Variants in MKI67 observed in about 807,000 individuals in gnomAD.
The protein encoded by MKI67 is marker of proliferation Ki-67.
MKI67 carries 152 observed loss-of-function variants against 233.5 expected under a neutral mutation model. That is an observed-to-expected ratio of 0.65 (90% CI 0.57 to 0.74). MKI67 has a LOEUF of 0.74. Among genes scored for constraint, MKI67 ranks in the 30% least tolerant of loss-of-function variants. MKI67 has a pLI of 0.00. For missense variants in MKI67, 3,940 were observed against 3,885.2 expected (o/e 1.01, Z -0.37); for synonymous variants, 1,465 against 1,418.5 (o/e 1.03, Z -0.74).
rs1852575619 is a variant in MKI67 at position 128,108,331 on chromosome 10, G to C, written c.3509C>G (p.Ala1170Gly). The change falls in exon 13 of 15, where the codon GCA (alanine) becomes GGA (glycine). Residue 1170 changes from alanine to glycine, a missense_variant. Transcript: ENST00000368654. ...TTTGGGCGTAAGCATGGCTTTCCCT[G>C]CTGATGGTGTTAGTTTCCTGAGTGC... ...FLALRKLTPS[A>G]GKAMLTPKPA... The C allele has an allele frequency of 6.2e-7, 1 of 1,614,050 alleles. No homozygotes were observed. Among genetic ancestry groups the C allele is most frequent in the Non-Finnish European group, 8.5e-7 (1 of 1,180,022 alleles).
Position 128,103,884 on chromosome 10 carries a change from C to G in MKI67, c.7956G>C (p.Lys2652Asn), listed in dbSNP as rs767301091. 5.0e-6 allele frequency: 8 copies of G among 1,613,756 alleles called. No individual in the cohort carries two copies. The highest frequency in any genetic ancestry group is 6.8e-6 in the Non-Finnish European group (8 of 1,179,986). Residue 2652 changes from lysine to asparagine, a missense_variant, in exon 13 of 15, where the codon AAG (lysine) becomes AAC (asparagine). Physicochemically the swap from Lys to Asn is moderately conservative, Grantham distance 94. Transcript: ENST00000368654. ...GIKVLKQRAK[K>N]KPNPVEEEPS... ...GTTCCTCTTCTACTGGGTTTGGTTTCTTCTTTGCACGTTGCTTCAATACTT... is the reference window on the plus strand; with the variant it reads ...GTTCCTCTTCTACTGGGTTTGGTTTGTTCTTTGCACGTTGCTTCAATACTT...
At chr10:128,121,018 T>C (rs1852923775) in intron 4 of MKI67, among the ~76,000 whole-genome samples, 1 of 152,228 alleles carries the variant, frequency 6.6e-6, no homozygotes, top group South Asian at 2.1e-4. Context: ...GGAAAAGTTA[T>C]ACTACACAAG....
intron 8 of MKI67, among the ~76,000 whole-genome samples, 200 bp downstream of exon 8, chr10:128,113,227 A>G (rs1852721266): frequency 6.6e-6 from 1 of 152,244 alleles, no homozygotes; most frequent in South Asian, 2.1e-4. Flanking sequence ...CGGTCGCATC[A>G]GCACCACGGT....
chr10:128,116,263 T>G (rs919804025), intron 6 of MKI67, among the ~76,000 whole-genome samples: 3 of 152,244 alleles, frequency 2.0e-5, no homozygotes, highest in African/African-American at 2.4e-5. Flanking sequence ...AGTTGACAGC[T>G]GAACAGGCAA....
In MKI67 at chr10:128,105,608, C is replaced by A; in HGVS notation, c.6232G>T (p.Gly2078Cys). 2 of 1,613,880 alleles carry A rather than the reference C, an allele frequency of 1.2e-6. No individual in the cohort carries two copies. Among genetic ancestry groups the A allele is most frequent in the Non-Finnish European group, 1.7e-6 (2 of 1,179,990 alleles). The change falls in exon 13 of 15, where the codon GGC becomes TGC. Residue 2078 changes from glycine (G) to cysteine (C), a missense_variant. Coordinates refer to ENST00000368654, the MANE Select transcript of MKI67 (RefSeq NM_002417.5). ...GGTGTCTGGAAGAGCTCTTTGAAGC[C>A]GGCCAGGTCTTCTAGTGATTGGGCC... The part of the protein sequence containing the change: ...EEAQSLEDLA[G>C]FKELFQTPDH...
chr10:128,121,862 T>C (rs977972884), intron 4 of MKI67, among the ~76,000 whole-genome samples: 3 of 151,988 alleles, frequency 2.0e-5, no homozygotes, highest in South Asian at 4.1e-4. Flanking sequence ...CAACATGCTA[T>C]GAATCTCACA....
chr10:128,113,992 A>T (rs1309184184), intron 7 of MKI67, among the ~76,000 whole-genome samples: 1 of 152,170 alleles, frequency 6.6e-6, no homozygotes, highest in African/African-American at 2.4e-5. Flanking sequence ...ATGAGCTGTA[A>T]AAACTCCTCC....
Position 128,115,119 on chromosome 10 carries a change from A to C in MKI67, c.1289T>G (p.Val430Gly), listed in dbSNP as rs1166260203. 6.2e-7 allele frequency: 1 copy of C among 1,614,180 alleles called. No homozygotes were observed. The highest frequency in any genetic ancestry group is 1.7e-5 in the Admixed American group (1 of 60,024). ...SKTRGSIPTD[V>G]EVLPTETEIH... ...TTCAGTTTCCGTAGGCAGAACTTCC[A>C]CATCTGTAGGAATACTTCCTCTGGT... The change falls in exon 7 of 15, where the codon GTG becomes GGG. Residue 430 changes from valine to glycine, a missense_variant. Coordinates refer to ENST00000368654, the MANE Select transcript of MKI67 (RefSeq NM_002417.5).
In MKI67 at chr10:128,108,084, G is replaced by A. The variant is rs36054510; in HGVS notation, c.3756C>T (p.Asp1252=). 3.7e-6 allele frequency: 6 copies of A among 1,611,160 alleles called. No homozygotes were observed. The highest frequency in any genetic ancestry group is 4.2e-6 in the Non-Finnish European group (5 of 1,179,236). The change falls in exon 13 of 15, where the codon GAC becomes GAT. Residue 1252 remains aspartate (D), a synonymous_variant. Coordinates refer to ENST00000368654, the MANE Select transcript of MKI67 (RefSeq NM_002417.5). ...AAGKTTKIPC[D]SPQSDPVDTP... ...TGTCCACTGGGTCTGACTGTGGAGA[G>A]TCGCAGGGTATTTTAGTGGTTTTAC...
At position 128,105,628 on chromosome 10, in the gene MKI67, T is replaced by G. The variant is rs1413765144; in HGVS notation, c.6212A>C (p.Gln2071Pro). The change falls in exon 13 of 15, where the codon CAA (glutamine) becomes CCA (proline). Residue 2071 changes from glutamine (Q) to proline (P), a missense_variant. Physicochemically the swap from Gln to Pro is moderately conservative, Grantham distance 76 (BLOSUM62 -1). Coordinates refer to ENST00000368654, the MANE Select transcript of MKI67 (RefSeq NM_002417.5). ...RWPRTPKEEAQSLEDLAGFKE... is the reference protein window; with the variant it reads ...RWPRTPKEEAPSLEDLAGFKE... ...GAAGCCGGCCAGGTCTTCTAGTGAT[T>G]GGGCCTCTTCCTTAGGTGTTCTTGG... The G allele has an allele frequency of 6.2e-7, 1 of 1,613,586 alleles. No individual in the cohort carries two copies. Among genetic ancestry groups the G allele is most frequent in the African/African-American group, 1.3e-5 (1 of 74,750 alleles).
chr10:128,101,113 G>C (rs1852324020), intron 14 of MKI67, 145 bp downstream of exon 14: 2 of 738,470 alleles, frequency 2.7e-6, no homozygotes, highest in South Asian at 2.0e-5. Flanking sequence ...TTATGTCTTA[G>C]CATAATGCTC....
chr10:128,119,971 G>T (rs1852896971), intron 4 of MKI67, among the ~76,000 whole-genome samples: 1 of 152,052 alleles, frequency 6.6e-6, no homozygotes, highest in Admixed American at 6.6e-5. Context: ...AAAACTTTTG[G>T]CCTCAGTGAA....
At position 128,106,721 on chromosome 10, in the gene MKI67, G is replaced by A. The variant is rs1457064323; in HGVS notation, c.5119C>T (p.Pro1707Ser). 18 of 1,613,988 alleles carry A rather than the reference G, an allele frequency of 1.1e-5. No individual in the cohort carries two copies. The highest frequency in any genetic ancestry group is 1.5e-5 in the Non-Finnish European group (18 of 1,180,002). ...LRTPKGKSEV[P>S]EDLAGFIELF... is the part of the protein sequence containing the mutation. ...TCGATGAAGCCGGCCAGGTCTTCAG[G>A]GACTTCAGACTTTCCCTTAGGAGTT... The change falls in exon 13 of 15, where the codon CCT (proline) becomes TCT (serine). Residue 1707 changes from proline to serine, a missense_variant. Coordinates refer to ENST00000368654, the MANE Select transcript of MKI67 (RefSeq NM_002417.5).
rs200161638 is a variant in MKI67 at position 128,104,397 on chromosome 10, C to T, written c.7443G>A (p.Arg2481=). Residue 2481 remains arginine, a synonymous_variant, in exon 13 of 15, where the codon AGG becomes AGA. Coordinates refer to ENST00000368654, the MANE Select transcript of MKI67 (RefSeq NM_002417.5). ...CCACTTTCACCAGGGGTATCTTGAGCCTTTGCTTGGAGCTTCTTGAGGTTT... is the reference window on the plus strand; with the variant it reads ...CCACTTTCACCAGGGGTATCTTGAGTCTTTGCTTGGAGCTTCTTGAGGTTT... The part of the protein sequence containing the change: ...SFKTSRSSKQ[R]LKIPLVKVDM... 3 of 1,614,010 alleles carry T rather than the reference C, an allele frequency of 1.9e-6. No homozygotes were observed. The highest frequency in any genetic ancestry group is 4.5e-5 in the East Asian group (2 of 44,856).
chr10:128,120,815 G>A (rs1207833855), intron 4 of MKI67, among the ~76,000 whole-genome samples: 1 of 151,954 alleles, frequency 6.6e-6, no homozygotes, highest in African/African-American at 2.4e-5. Flanking sequence ...GCAAGCAGAG[G>A]GGAACTGGAG....
At chr10:128,122,034 T>C (rs760088544) in intron 4 of MKI67, among the ~76,000 whole-genome samples, 4 of 152,174 alleles carry the variant, frequency 2.6e-5, no homozygotes, top group African/African-American at 7.2e-5. Context: ...GTTTACTTGC[T>C]GAGGGAATGA....
At position 128,112,442 on chromosome 10, in the gene MKI67, G is replaced by A. The variant is rs1285657961; in HGVS notation, c.1660C>T (p.Gln554Ter). 1.2e-6 allele frequency: 2 copies of A among 1,612,904 alleles called. No homozygotes were observed. ...TCTTGTTTTCCTGATGGTTGAGGCT[G>A]TTCCTGACAAGACAAAATTGTTTAC... ...PPVLKKIIKE[Q>*]PQPSGKQESG... Residue 554 changes from glutamine to a stop codon, truncating the protein, a stop_gained, in exon 9 of 15, where the codon CAG (glutamine) becomes TAG (stop). Transcript: ENST00000368654. LOFTEE classifies it high-confidence loss of function.
At chr10:128,121,857 T>A (rs777859143) in intron 4 of MKI67, among the ~76,000 whole-genome samples, 34 of 151,924 alleles carry the variant, frequency 2.2e-4, no homozygotes, top group Non-Finnish European at 3.5e-4. Context: ...ATGTCCAACA[T>A]GCTATGAATC....
At chr10:128,116,067 T>C (rs1055496194) in intron 6 of MKI67, 60 bp from the exon 7 acceptor site, 23 of 1,495,802 alleles carry the variant, frequency 1.5e-5, no homozygotes, top group Middle Eastern at 3.6e-4. Flanking sequence ...TGATTAACAT[T>C]TGTGGAATTC....
Sources: allele counts gnomAD v4.1 joint callset (sites outside exome capture counted in the v4.1 genomes callset), GRCh38; gene constraint gnomAD v4.1.1; transcripts MANE v1.5; gene names NCBI Gene and HGNC (gene_info 2026-07-23, HGNC 2026-07-21).